Variants in MPPED2 observed in about 807,000 individuals in gnomAD.
The protein encoded by MPPED2 is metallophosphoesterase MPPED2.
MPPED2 carries 5 observed loss-of-function variants against 33.0 expected under a neutral mutation model. That is an observed-to-expected ratio of 0.15 (90% CI 0.08 to 0.32). The LOEUF (loss-of-function observed/expected upper bound fraction) is 0.32. Among genes scored for constraint, MPPED2 ranks in the 10% least tolerant of loss-of-function variants. The pLI is 1.00. For missense variants in MPPED2, 275 were observed against 372.1 expected, an observed-to-expected ratio of 0.74 and a Z score of 2.15; for synonymous variants, 136 against 141.9, an observed-to-expected ratio of 0.96 and a Z score of 0.29.
intron 6 of MPPED2, among the ~76,000 whole-genome samples, chr11:30,399,731 C>T (rs1195881008): frequency 6.6e-6 from 1 of 152,260 alleles, no homozygotes; most frequent in East Asian, 1.9e-4. Flanking sequence ...AGTTTATAAA[C>T]TGCAGATACC....
chr11:30,572,131 A>G (rs1419293825), intron 2 of MPPED2, among the ~76,000 whole-genome samples: 1 of 152,146 alleles, frequency 6.6e-6, no homozygotes, highest in African/African-American at 2.4e-5. Flanking sequence ...ATCCAGGTAT[A>G]ACATAGAAGA....
At chr11:30,482,301 T>C (rs1951526292) in intron 4 of MPPED2, among the ~76,000 whole-genome samples, 1 of 152,236 alleles carries the variant, frequency 6.6e-6, no homozygotes, top group African/African-American at 2.4e-5. Context: ...GGTGAGGATA[T>C]GGCTTTTAAA....
downstream of MPPED2, among the ~76,000 whole-genome samples, chr11:30,406,717 A>G (rs1384552001): frequency 3.3e-5 from 5 of 152,230 alleles, no homozygotes; most frequent in Non-Finnish European, 5.9e-5. Flanking sequence ...GACATCCAGA[A>G]GTGGTCCTGG....
At chr11:30,443,101 A>G (rs1483371837) in intron 4 of MPPED2, among the ~76,000 whole-genome samples, 3 of 152,184 alleles carry the variant, frequency 2.0e-5, no homozygotes, top group African/African-American at 7.2e-5. Flanking sequence ...GCTCATAGAC[A>G]CACAGACTCC....
At chr11:30,451,894 C>T (rs1333790534) in intron 4 of MPPED2, 2 of 985,076 alleles carry the variant, frequency 2.0e-6, no homozygotes, top group African/African-American at 3.5e-5. Flanking sequence ...CAGCTCAATG[C>T]AATTGTGGGC....
At chr11:30,568,060 G>A (rs550406961) in intron 2 of MPPED2, among the ~76,000 whole-genome samples, 8 of 152,244 alleles carry the variant, frequency 5.3e-5, no homozygotes, top group African/African-American at 1.9e-4. Context: ...ATGTTTTAGA[G>A]GCAATAAAGA....
At chr11:30,532,876 T>G (rs749200129) in intron 3 of MPPED2, among the ~76,000 whole-genome samples, 1 of 152,184 alleles carries the variant, frequency 6.6e-6, no homozygotes, top group Non-Finnish European at 1.5e-5. Context: ...TAACCAGGGA[T>G]CATCATCTCT....
chr11:30,534,124 A>G (rs900076733), intron 3 of MPPED2, among the ~76,000 whole-genome samples: 6 of 152,168 alleles, frequency 3.9e-5, no homozygotes, highest in African/African-American at 1.2e-4. Context: ...AGGAAGGTTA[A>G]CTCAGTTTCC....
intron 4 of MPPED2, among the ~76,000 whole-genome samples, chr11:30,472,847 C>G (rs1032242641): frequency 1.3e-5 from 2 of 152,132 alleles, no homozygotes; most frequent in African/African-American, 4.8e-5. Context: ...CAACAATGTA[C>G]ATGTACTTAA....
intron 1 of MPPED2, among the ~76,000 whole-genome samples, chr11:30,583,353 C>T (rs1306830600): frequency 2.6e-5 from 4 of 151,910 alleles, no homozygotes; most frequent in Non-Finnish European, 5.9e-5. Flanking sequence ...CTTACTTTAA[C>T]TTTTTACACA....
chr11:30,394,748 A>C (rs2133699884), intron 6 of MPPED2, among the ~76,000 whole-genome samples: 1 of 152,258 alleles, frequency 6.6e-6, no homozygotes, highest in Non-Finnish European at 1.5e-5. Context: ...GCAAGTTTTA[A>C]ATTTCAATGA....
At chr11:30,432,086 T>C (rs964995134) in intron 4 of MPPED2, among the ~76,000 whole-genome samples, 1 of 151,928 alleles carries the variant, frequency 6.6e-6, no homozygotes, top group African/African-American at 2.4e-5. Flanking sequence ...TGAGAATTGC[T>C]TGAACCCAGG....
At chr11:30,467,712 T>C (rs1003163979) in intron 4 of MPPED2, among the ~76,000 whole-genome samples, 8 of 152,136 alleles carry the variant, frequency 5.3e-5, no homozygotes, top group Admixed American at 1.3e-4. Flanking sequence ...CAAACAAATA[T>C]ATTGATGTGA....
intron 3 of MPPED2, 124 bp from the exon 4 acceptor site, chr11:30,495,645 TCC>T (rs1229271582): frequency 1.5e-6 from 1 of 671,956 alleles, no homozygotes; most frequent in Non-Finnish European, 2.6e-6. Context: ...CCTTTACATT[TCC>T]ATGTGAACTG....
rs781610388 is a variant in MPPED2 at position 30,495,422 on chromosome 11, C to T, written c.410G>A (p.Arg137His). The T allele has an allele frequency of 6.8e-6, 11 of 1,613,876 alleles. No individual in the cohort carries two copies. The highest frequency in any genetic ancestry group is 5.0e-5 in the Admixed American group (3 of 59,996). Reference protein sequence around the residue: ...MADLVKQDYYRFPSVSKLKPE... With the variant: ...MADLVKQDYYHFPSVSKLKPE... ...TTTCAATTTGGACACAGAGGGGAAA[C>T]GGTAGTAGTCCTGTTTAACAAGGTC... Residue 137 changes from arginine to histidine, a missense_variant, in exon 4 of 7, where the codon CGT becomes CAT. Physicochemically the swap from Arg to His is conservative, Grantham distance 29. Coordinates refer to ENST00000358117, the MANE Select transcript of MPPED2 (RefSeq NM_001584.3).
At chr11:30,586,887 G>A (rs1258958695), upstream of MPPED2, 2 of 152,104 alleles carry the variant, frequency 1.3e-5, no homozygotes, top group Non-Finnish European at 2.9e-5. This position sits in a 1 kb window ranked among gnomAD's most constrained non-coding sequence, Gnocchi z 4.8. Context: ...CTTTCCTGGG[G>A]GAGAGCTGTG....
At chr11:30,438,391 G>C (rs1949416471) in intron 4 of MPPED2, among the ~76,000 whole-genome samples, 1 of 152,190 alleles carries the variant, frequency 6.6e-6, no homozygotes, top group South Asian at 2.1e-4. Context: ...ATGAAGAATA[G>C]GAATAAGAAG....
At chr11:30,420,589 C>T (rs143576090) in intron 4 of MPPED2, among the ~76,000 whole-genome samples, 1 of 152,302 alleles carries the variant, frequency 6.6e-6, no homozygotes, top group Non-Finnish European at 1.5e-5. Flanking sequence ...CCTCAGCTGA[C>T]ATATGGCACA....
At chr11:30,463,784 C>T (rs1463235051) in intron 4 of MPPED2, among the ~76,000 whole-genome samples, 1 of 152,020 alleles carries the variant, frequency 6.6e-6, no homozygotes, top group Non-Finnish European at 1.5e-5. Flanking sequence ...GTTGACTTTT[C>T]TTAACATAAA....
Sources: allele counts gnomAD v4.1 joint callset (sites outside exome capture counted in the v4.1 genomes callset), GRCh38; gene constraint gnomAD v4.1.1; non-coding constraint Gnocchi (gnomAD v3.1); transcripts MANE v1.5; gene names NCBI Gene and HGNC (gene_info 2026-07-23, HGNC 2026-07-21).